The following SLAIN2 variants were observed in gnomAD, a reference collection of about 807,000 sequenced individuals.
The protein encoded by SLAIN2 is SLAIN motif-containing protein 2.
Under a neutral mutation model 56.6 loss-of-function variants are expected in SLAIN2, and 31 were observed. The observed-to-expected ratio is 0.55, with a 90% confidence interval of 0.41 to 0.74. SLAIN2 has a LOEUF of 0.74. SLAIN2 is among the 30% of genes least tolerant of loss of function. The pLI, the probability that SLAIN2 is intolerant of heterozygous loss-of-function variation, is 0.00. For synonymous variants in SLAIN2, 317 were observed against 284.9 expected, an observed-to-expected ratio of 1.11 and a Z score of -1.13; for missense variants, 777 against 754.2, an observed-to-expected ratio of 1.03 and a Z score of -0.35.
chr4:48,421,475 T>C (rs190727001), intron 7 of SLAIN2, among the ~76,000 whole-genome samples: 2 of 152,294 alleles, frequency 1.3e-5, no homozygotes, highest in East Asian at 3.9e-4. Context: ...TTGCTTTGTT[T>C]AATCTTCATA....
intron 6 of SLAIN2, among the ~76,000 whole-genome samples, chr4:48,393,014 G>A (rs1396693375): frequency 6.6e-6 from 1 of 151,800 alleles, no homozygotes; most frequent in East Asian, 1.9e-4. Context: ...TTGAAAACAT[G>A]TATGAATATA....
Position 48,409,359 on chromosome 4 carries a change from T to C in SLAIN2, c.1361-10766T>C, listed in dbSNP as rs564592321. Among the ~76,000 whole-genome samples, 54 of 152,302 alleles carry C rather than the reference T, an allele frequency of 3.5e-4. 1 individual carries two copies. The South Asian group carries it at 8.9e-3, about 25-fold the overall frequency. On this transcript the variant is annotated intron_variant, in intron 6 of 7. Transcript: ENST00000264313. ...CATCAGCTATTCCATATAGCCTAGG[T>C]GTGTAGTAGCTTAAATCACTTAGGT... is the stretch of plus-strand genomic sequence containing the variant.
intron 1 of SLAIN2, among the ~76,000 whole-genome samples, chr4:48,357,762 T>G (rs1470121495): frequency 6.6e-6 from 1 of 151,934 alleles, no homozygotes; most frequent in Non-Finnish European, 1.5e-5. Context: ...TCCATGTTGG[T>G]CAGGCTGGTC....
intron 1 of SLAIN2, among the ~76,000 whole-genome samples, chr4:48,348,092 G>A (rs765330150): frequency 2.8e-4 from 42 of 152,110 alleles, no homozygotes; most frequent in Non-Finnish European, 5.1e-4. Context: ...TTGGGGAAGA[G>A]AACTTTTTGA....
intron 6 of SLAIN2, among the ~76,000 whole-genome samples, chr4:48,387,780 C>T (rs1716137534): frequency 6.6e-6 from 1 of 151,814 alleles, no homozygotes; most frequent in African/African-American, 2.4e-5. Flanking sequence ...CTTGAAATTT[C>T]ATATATATTT....
intron 6 of SLAIN2, chr4:48,394,753 T>G: frequency 1.3e-6 from 1 of 784,796 alleles, no homozygotes; most frequent in Non-Finnish European, 2.0e-6. Context: ...TAAGGCACAT[T>G]TTAGTCTTAT....
At chr4:48,403,246 G>T (rs963736838) in intron 6 of SLAIN2, among the ~76,000 whole-genome samples, 5 of 152,114 alleles carry the variant, frequency 3.3e-5, no homozygotes, top group African/African-American at 1.2e-4. Context: ...TGTGGAGCAG[G>T]TGTGGTGCTC....
Position 48,425,381 on chromosome 4 carries a change from T to C in SLAIN2, c.*3304T>C, listed in dbSNP as rs1389570986. ...GAAAAAAACAAGCAAAAAGCTATTA[T>C]GAGTTTCCAAGAGGGACAATTAATG... is the stretch of plus-strand genomic sequence containing the variant. On this transcript the variant is annotated 3_prime_UTR_variant, in exon 8 of 8. Coordinates refer to ENST00000264313, the MANE Select transcript of SLAIN2 (RefSeq NM_020846.2). The C allele has an allele frequency of 1.3e-5, 2 of 152,126 alleles. No homozygotes were observed. The highest frequency in any genetic ancestry group is 2.9e-5 in the Non-Finnish European group (2 of 67,992). The allele number at this position is 152,126 out of a possible 1,614,324, so 9.4% of individuals were successfully genotyped here.
chr4:48,347,925 T>G (rs384885), intron 1 of SLAIN2, among the ~76,000 whole-genome samples: 35,175 of 152,186 alleles, frequency 0.23, 4,896 homozygotes, highest in Middle Eastern at 0.34. Flanking sequence ...TACATCCATG[T>G]GGTAGAATGT....
chr4:48,410,572 C>T lies in SLAIN2; in HGVS notation c.1361-9553C>T, dbSNP rs535696106. On this transcript the variant is annotated intron_variant, in intron 6 of 7. Transcript: ENST00000264313. ...GCTCTTGCCAGACACGAATCCGCTG[C>T]GCTTTCCCCTTCGGTACTTGGAGCT... Among the ~76,000 whole-genome samples, 16 of 152,310 alleles carry T rather than the reference C, an allele frequency of 1.1e-4. No individual in the cohort carries two copies. In the East Asian group the frequency reaches 1.7e-3, roughly 17 times the overall value.
intron 1 of SLAIN2, among the ~76,000 whole-genome samples, chr4:48,356,897 C>T (rs1715169514): frequency 6.6e-6 from 1 of 152,054 alleles, no homozygotes; most frequent in African/African-American, 2.4e-5. Flanking sequence ...CTTCAGTTTA[C>T]TCTGCTTGCT....
At chr4:48,387,878 A>G (rs1716140334) in intron 6 of SLAIN2, among the ~76,000 whole-genome samples, 1 of 152,126 alleles carries the variant, frequency 6.6e-6, no homozygotes, top group Admixed American at 6.5e-5. Flanking sequence ...CAATTATTAT[A>G]ATAAGCTTTA....
rs376159324 is a variant in SLAIN2, at chr4:48,420,416, G to C, written c.1652G>C (p.Arg551Pro). 6.2e-7 allele frequency: 1 copy of C among 1,613,808 alleles called. No homozygotes were observed. Among genetic ancestry groups the C allele is most frequent in the East Asian group, 2.2e-5 (1 of 44,894 alleles). Residue 551 changes from arginine (R) to proline (P), a missense_variant, in exon 7 of 8, where the codon CGC becomes CCC. Coordinates refer to ENST00000264313, the MANE Select transcript of SLAIN2 (RefSeq NM_020846.2). ...TCTGCTGGGGGCATACCAGTGCCTC[G>C]CAGCAAACTTGCACAGCCTGTTCGC... ...APSAGGIPVP[R>P]SKLAQPVRRS... is the part of the protein sequence containing the mutation.
At position 48,342,072 on chromosome 4, in the gene SLAIN2, G is replaced by A; in HGVS notation, c.333G>A (p.Pro111=). 2 of 1,373,062 alleles carry A rather than the reference G, an allele frequency of 1.5e-6. No individual in the cohort carries two copies. The highest frequency in any genetic ancestry group is 9.3e-7 in the Non-Finnish European group (1 of 1,070,922). The allele number at this position is 1,373,062 out of a possible 1,614,324, so 85.1% of individuals were successfully genotyped here. ...GCGGCTTGCTGGACGAGGTGGAGCC[G>A]CTGCGGCCCGACGAGCTGGAGCGCC... ...GEGGLLDEVE[P]LRPDELERLS... is the part of the protein sequence containing the mutation. The change falls in exon 1 of 8, where the codon CCG becomes CCA. Residue 111 remains proline (P), a synonymous_variant. Transcript: ENST00000264313.
In SLAIN2 at chr4:48,383,760, C is replaced by T. The variant is rs769525845; in HGVS notation, c.1336C>T (p.Arg446Cys). The change falls in exon 6 of 8, where the codon CGT becomes TGT. Residue 446 changes from arginine to cysteine, a missense_variant. Physicochemically the swap from Arg to Cys is radical, Grantham distance 180. Transcript: ENST00000264313. ...NFQVPNGGIP[R>C]MQPQASAIPS... ...TCAAGTGCCAAACGGAGGAATACCTCGTATGCAACCTCAGGCTTCAGCCAG... is the reference window on the plus strand; with the variant it reads ...TCAAGTGCCAAACGGAGGAATACCTTGTATGCAACCTCAGGCTTCAGCCAG... 2.4e-5 allele frequency: 39 copies of T among 1,611,762 alleles called. No homozygotes were observed. Among genetic ancestry groups the T allele is most frequent in the Admixed American group, 1.2e-4 (7 of 59,870 alleles).
intron 4 of SLAIN2, 39 bp downstream of exon 4, chr4:48,379,887 A>G (rs369252757): frequency 4.1e-5 from 58 of 1,424,144 alleles, no homozygotes; most frequent in Middle Eastern, 2.3e-4. Context: ...GTTTTTTACT[A>G]TTGCATAATT....
chr4:48,395,471 T>G (rs984538341), intron 6 of SLAIN2, among the ~76,000 whole-genome samples: 2 of 151,982 alleles, frequency 1.3e-5, no homozygotes, highest in African/African-American at 4.8e-5. Flanking sequence ...AGAAAAAATT[T>G]GGTTACGTTT....
chr4:48,381,824 A>G (rs944806554), intron 4 of SLAIN2, among the ~76,000 whole-genome samples: 1 of 152,108 alleles, frequency 6.6e-6, no homozygotes, highest in Non-Finnish European at 1.5e-5. Context: ...ATACGTTTGC[A>G]TTGCAGTTTG....
At chr4:48,408,476 G>T (rs1192758884) in intron 6 of SLAIN2, among the ~76,000 whole-genome samples, 1 of 137,444 alleles carries the variant, frequency 7.3e-6, no homozygotes, top group Non-Finnish European at 1.5e-5. Context: ...TGATATTGAT[G>T]ATCCTAACCC....
Sources: allele counts gnomAD v4.1 joint callset (sites outside exome capture counted in the v4.1 genomes callset), GRCh38; gene constraint gnomAD v4.1.1; transcripts MANE v1.5; gene names NCBI Gene and HGNC (gene_info 2026-07-23, HGNC 2026-07-21).